BDP1: variants seen among roughly 807,000 people sequenced by gnomAD.
BDP1 encodes the protein BDP1 general transcription factor IIIB subunit.
Under a neutral mutation model 266.6 loss-of-function variants are expected in BDP1, and 169 were observed. The ratio of observed to expected loss-of-function variants is 0.63; its 90% CI spans 0.56 to 0.72. The LOEUF (loss-of-function observed/expected upper bound fraction) is 0.72, where lower values mean the gene tolerates loss of function less well. BDP1 is among the 30% of genes least tolerant of loss of function. The pLI is 0.00. For missense variants in BDP1, 3,015 were observed against 3,053.8 expected, an observed-to-expected ratio of 0.99 and a Z score of 0.30; for synonymous variants, 1,090 against 1,022.4, an observed-to-expected ratio of 1.07 and a Z score of -1.26.
chr5:71,456,121 T>A (rs766799666), intron 1 of BDP1, 32 bp downstream of exon 1: 21 of 1,584,630 alleles, frequency 1.3e-5, no homozygotes, highest in Non-Finnish European at 1.7e-5. Flanking sequence ...AATTTTCATT[T>A]GTCCCGCCTC....
At chr5:71,553,343 C>G in intron 35 of BDP1, 23 bp downstream of exon 35, 1 of 1,541,474 alleles carries the variant, frequency 6.5e-7, no homozygotes, top group African/African-American at 1.4e-5. Context: ...TTAAGTACCA[C>G]TCAATATGGC....
intron 11 of BDP1, among the ~76,000 whole-genome samples, chr5:71,493,890 A>AT (rs1763735142): frequency 6.6e-6 from 1 of 152,250 alleles, no homozygotes; most frequent in South Asian, 2.1e-4. Context: ...TTTGAAAAAC[A>AT]TAATATTTGA....
intron 32 of BDP1, among the ~76,000 whole-genome samples, chr5:71,547,934 G>A (rs1580195372): frequency 6.6e-6 from 1 of 151,964 alleles, no homozygotes; most frequent in African/African-American, 2.4e-5. Context: ...CCAGCCTGGC[G>A]ACAGAGCGAG....
chr5:71,525,570 C>T (rs1453461595), intron 25 of BDP1, among the ~76,000 whole-genome samples: 3,785 of 47,838 alleles, frequency 0.079, 289 homozygotes, highest in South Asian at 0.17. Context: ...CCGGATGGGG[C>T]GGCTGGCCGG....
intron 7 of BDP1, among the ~76,000 whole-genome samples, chr5:71,481,984 T>C (rs529761819): frequency 1.4e-4 from 22 of 152,284 alleles, no homozygotes; most frequent in African/African-American, 4.6e-4. Flanking sequence ...ATGGTGATCT[T>C]TCTGGTGTCT....
intron 25 of BDP1, among the ~76,000 whole-genome samples, chr5:71,528,919 A>C (rs1433031451): frequency 6.6e-6 from 1 of 152,246 alleles, no homozygotes; most frequent in Non-Finnish European, 1.5e-5. Context: ...ATTGCTAGTG[A>C]AACTATCAGT....
At chr5:71,503,063 TC>T (rs1208871323) in intron 15 of BDP1, among the ~76,000 whole-genome samples, 11 of 139,388 alleles carry the variant, frequency 7.9e-5, no homozygotes, top group African/African-American at 2.8e-4. Context: ...AGACTCTGTC[TC>T]AAAAAAAAAA....
chr5:71,547,976 A>T (rs1264233088), intron 32 of BDP1, among the ~76,000 whole-genome samples: 1 of 152,052 alleles, frequency 6.6e-6, no homozygotes, highest in African/African-American at 2.4e-5. Context: ...AATAAATAAA[A>T]TAATAAAAGA....
rs1328777846 is a variant in BDP1 at position 71,522,471 on chromosome 5, A to G, written c.5174A>G (p.Asn1725Ser). 1 of 1,611,250 alleles carries G rather than the reference A, an allele frequency of 6.2e-7. No individual in the cohort carries two copies. The highest frequency in any genetic ancestry group is 8.5e-7 in the Non-Finnish European group (1 of 1,179,178). ...EDHLLQKGAS[N>S]TQLLLKEKAE... is the part of the protein sequence containing the mutation. ...CATTTGCTGCAGAAAGGAGCTTCCA[A>G]CACCCAGCTCCTTCTAAAAGTAAGT... The change falls in exon 23 of 39, where the codon AAC becomes AGC. Residue 1725 changes from asparagine to serine, a missense_variant. This residue lies in a region of BDP1 where 2,383 missense variants were observed against 2,404.9 expected (regional missense o/e 0.99). Transcript: ENST00000358731.
Position 71,510,578 on chromosome 5 carries a change from G to A in BDP1, c.3486G>A (p.Glu1162=). 6.2e-7 allele frequency: 1 copy of A among 1,614,152 alleles called. No individual in the cohort carries two copies. Among genetic ancestry groups the A allele is most frequent in the Non-Finnish European group, 8.5e-7 (1 of 1,180,022 alleles). Residue 1162 remains glutamate (E), a synonymous_variant, in exon 17 of 39, where the codon GAG becomes GAA. Transcript: ENST00000358731. Reference sequence around the variant, plus strand: ...CCCCAGAGGAAAATGGCCCAGAGGAGGTCAAGCCTGTAGATGAAATGGAGA... The same window carrying A: ...CCCCAGAGGAAAATGGCCCAGAGGAAGTCAAGCCTGTAGATGAAATGGAGA... The part of the protein sequence containing the change: ...EISPEENGPE[E]VKPVDEMETD...
intron 16 of BDP1, among the ~76,000 whole-genome samples, chr5:71,507,051 G>C (rs1336315694): frequency 6.6e-6 from 1 of 151,918 alleles, no homozygotes; most frequent in African/African-American, 2.4e-5. Flanking sequence ...TGAACTCCTG[G>C]GCTGAAGGGA....
rs61407876 is a variant in BDP1, at chr5:71,506,823, A to ACCCC, written c.2372+2075_2372+2076insCCCC. Among the ~76,000 whole-genome samples the ACCCC allele has an allele frequency of 5.9e-4, 84 of 141,800 alleles. No individual in the cohort carries two copies. The South Asian group carries it at 6.2e-3, about 10-fold the overall frequency. The allele number at this position is 141,800 out of a possible 152,430, so 93.0% of individuals were successfully genotyped here. On this transcript the variant is annotated intron_variant, in intron 16 of 38. Transcript: ENST00000358731. Reference sequence around the variant, plus strand: ...CACACACACACACACACACACACACACCCATATTTTTTTAAAGACAAGGGT... The same window carrying ACCCC: ...CACACACACACACACACACACACACACCCCCCCATATTTTTTTAAAGACAAGGGT...
At chr5:71,460,008 A>G (rs990254819) in intron 2 of BDP1, among the ~76,000 whole-genome samples, 7 of 152,232 alleles carry the variant, frequency 4.6e-5, no homozygotes, top group African/African-American at 1.7e-4. Context: ...TATTTCAGAT[A>G]AGAGATGCTC....
In BDP1 at chr5:71,522,421, G is replaced by A; in HGVS notation, c.5124G>A (p.Gln1708=). ...TTTTAGAAAAAGTCACAACAGATCA[G>A]AGCAAGGAAGGCAAGCCAGAAGATC... ...EPVLEKVTTD[Q]SKEGKPEDHL... Residue 1708 remains glutamine, a synonymous_variant, in exon 23 of 39, where the codon CAG becomes CAA. Coordinates refer to ENST00000358731, the MANE Select transcript of BDP1 (RefSeq NM_018429.3). 2 of 1,613,224 alleles carry A rather than the reference G, an allele frequency of 1.2e-6. No individual in the cohort carries two copies. Among genetic ancestry groups the A allele is most frequent in the East Asian group, 4.5e-5 (2 of 44,820 alleles).
At chr5:71,516,351 A>T (rs544625822) in intron 21 of BDP1, 80 bp downstream of exon 21, 1 of 1,057,796 alleles carries the variant, frequency 9.5e-7, no homozygotes, top group South Asian at 1.5e-5. Flanking sequence ...TAGCTTAGAA[A>T]TACAGGCATC....
chr5:71,470,269 TG>T (rs1762158008), intron 6 of BDP1, 125 bp from the exon 7 acceptor site: 2 of 675,760 alleles, frequency 3.0e-6, no homozygotes, highest in Non-Finnish European at 2.5e-6. Context: ...TATAATAAGG[TG>T]TTTTTAGGTA....
intron 35 of BDP1, among the ~76,000 whole-genome samples, chr5:71,555,058 C>T (rs574220559): frequency 1.4e-4 from 21 of 152,306 alleles, no homozygotes; most frequent in Admixed American, 5.9e-4. Flanking sequence ...TACACATACA[C>T]TGTATTCAGA....
chr5:71,513,381 C>G lies in BDP1; in HGVS notation c.4444C>G (p.Gln1482Glu), dbSNP rs1422275176. Residue 1482 changes from glutamine (Q) to glutamate (E), a missense_variant, in exon 19 of 39, where the codon CAA (glutamine) becomes GAA (glutamate). Physicochemically the swap from Gln to Glu is conservative, Grantham distance 29 (BLOSUM62 2). This residue lies in a region of BDP1 where 2,383 missense variants were observed against 2,404.9 expected (regional missense o/e 0.99). Transcript: ENST00000358731. The stretch of plus-strand genomic sequence containing the variant: ...TATTGTGATGCAAGAAAATAATGAA[C>G]AAACTGATACTCTCCCTTCTCAACA... ...ETIVMQENNEQTDTLPSQHDE... is the reference protein window; with the variant it reads ...ETIVMQENNEETDTLPSQHDE... 13 of 1,583,848 alleles carry G rather than the reference C, an allele frequency of 8.2e-6. No homozygotes were observed. The highest frequency in any genetic ancestry group is 1.4e-5 in the African/African-American group (1 of 72,806).
chr5:71,551,105 A>G (rs144215471), intron 34 of BDP1, among the ~76,000 whole-genome samples: 25 of 136,412 alleles, frequency 1.8e-4, no homozygotes, highest in African/African-American at 7.0e-4. Context: ...TTGTTTATTT[A>G]TTTATTTATT....
Sources: allele counts gnomAD v4.1 joint callset (sites outside exome capture counted in the v4.1 genomes callset), GRCh38; gene constraint gnomAD v4.1.1; regional missense constraint gnomAD v4.1.1; transcripts MANE v1.5; gene names NCBI Gene and HGNC (gene_info 2026-07-23, HGNC 2026-07-21).